Variants in ATAD5 observed in about 807,000 individuals in gnomAD.
The protein encoded by ATAD5 is ATPase family AAA domain-containing protein 5.
A neutral mutation model predicts 176.9 loss-of-function variants in ATAD5; 58 were observed. The observed-to-expected ratio is 0.33, with a 90% CI of 0.27 to 0.41. ATAD5 has a LOEUF of 0.41. Ranked by LOEUF, ATAD5 falls within the 10% of genes least tolerant of loss-of-function variation. The pLI, the probability that ATAD5 is intolerant of heterozygous loss-of-function variation, is 1.00. For missense variants in ATAD5, 1,789 were observed against 2,094.1 expected (o/e 0.85, Z 2.84); for synonymous variants, 640 against 712.6 (o/e 0.90, Z 1.62).
intron 18 of ATAD5, among the ~76,000 whole-genome samples, chr17:30,885,026 C>T (rs775540890): frequency 2.4e-4 from 36 of 152,188 alleles, no homozygotes; most frequent in Non-Finnish European, 3.7e-4. Flanking sequence ...GGATTACAGG[C>T]GTGAGCCACC....
intron 3 of ATAD5, among the ~76,000 whole-genome samples, chr17:30,840,215 A>G (rs1352737675): frequency 6.6e-6 from 1 of 150,486 alleles, no homozygotes; most frequent in African/African-American, 2.5e-5. Flanking sequence ...AAAAAAAAAA[A>G]AAAACAACCT....
At chr17:30,874,317 C>T (rs546025930) in intron 14 of ATAD5, among the ~76,000 whole-genome samples, 3 of 151,268 alleles carry the variant, frequency 2.0e-5, no homozygotes, top group Non-Finnish European at 3.0e-5. Context: ...CTGAGGTGGG[C>T]GGATCACGAG....
chr17:30,868,270 A>G, intron 11 of ATAD5, 63 bp from the exon 12 acceptor site: 1 of 1,332,232 alleles, frequency 7.5e-7, no homozygotes. Context: ...TAATCATTTT[A>G]ACATAAAGTC....
intron 18 of ATAD5, among the ~76,000 whole-genome samples, chr17:30,884,059 T>C (rs1597994723): frequency 6.6e-6 from 1 of 152,280 alleles, no homozygotes; most frequent in African/African-American, 2.4e-5. Context: ...ACTCCCTGTT[T>C]CCTCCTGTCC....
At chr17:30,860,123 AT>A (rs1169380593) in intron 9 of ATAD5, among the ~76,000 whole-genome samples, 1 of 152,104 alleles carries the variant, frequency 6.6e-6, no homozygotes, top group African/African-American at 2.4e-5. Flanking sequence ...TCCCGGGTTC[AT>A]GTGATCCTCC....
chr17:30,876,801 C>T (rs1908712311), intron 15 of ATAD5, among the ~76,000 whole-genome samples: 1 of 147,018 alleles, frequency 6.8e-6, no homozygotes, highest in Non-Finnish European at 1.5e-5. Flanking sequence ...ACTGCAACCT[C>T]TTCCTCCTGG....
Position 30,834,744 on chromosome 17 carries a change from C to T in ATAD5, c.663C>T (p.Pro221=). 6.2e-7 allele frequency: 1 copy of T among 1,613,862 alleles called. No homozygotes were observed. The highest frequency in any genetic ancestry group is 1.1e-5 in the South Asian group (1 of 91,040). The change falls in exon 2 of 23, where the codon CCC becomes CCT. Residue 221 remains proline (P), a synonymous_variant. Transcript: ENST00000321990. ...TAGTAGATCTATCTGAAAGCTTACC[C>T]TTGGCAGAGGAACTAAATTTGCTTA... ...RDVVDLSESL[P]LAEELNLLKK... is the part of the protein sequence containing the mutation.
chr17:30,856,336 T>A (rs1168115368), intron 7 of ATAD5, among the ~76,000 whole-genome samples: 1 of 152,214 alleles, frequency 6.6e-6, no homozygotes, highest in Non-Finnish European at 1.5e-5. Flanking sequence ...AGATTTAGGA[T>A]CTCGCCAGTG....
rs1742667462 is a variant in ATAD5, at chr17:30,858,277, A to T, written c.2910A>T (p.Lys970Asn). 5 of 1,586,666 alleles carry T rather than the reference A, an allele frequency of 3.2e-6. No homozygotes were observed. Among genetic ancestry groups the T allele is most frequent in the African/African-American group, 1.4e-5 (1 of 73,914 alleles). Residue 970 changes from lysine (K) to asparagine (N), a missense_variant, in exon 9 of 23, where the codon AAA becomes AAT. Transcript: ENST00000321990. Reference protein sequence around the residue: ...LKKYFPLLLKKQIEHQVLSSE... With the variant: ...LKKYFPLLLKNQIEHQVLSSE... Reference sequence around the variant, plus strand: ...AATATTTTCCCTTACTCCTAAAAAAACAAATTGAGCACCAAGTACTTTCTT... The same window carrying T: ...AATATTTTCCCTTACTCCTAAAAAATCAAATTGAGCACCAAGTACTTTCTT...
intron 4 of ATAD5, 40 bp downstream of exon 4, chr17:30,840,821 A>G (rs1419383726): frequency 1.9e-6 from 3 of 1,557,880 alleles, no homozygotes; most frequent in African/African-American, 1.4e-5. Context: ...ATTCTCTCCT[A>G]TTTTGCTGTT....
At position 30,857,010 on chromosome 17, in the gene ATAD5, A is replaced by G; in HGVS notation, c.2691A>G (p.Lys897=). ...PPSCPLLTKF[K]ELNTKVIDLS... The stretch of plus-strand genomic sequence containing the variant: ...CTTGTCCTCTCTTAACTAAATTTAA[A>G]GAACTGAACACTAAAGTAATAGATC... Residue 897 remains lysine (K), a synonymous_variant, in exon 8 of 23, where the codon AAA becomes AAG. Coordinates refer to ENST00000321990, the MANE Select transcript of ATAD5 (RefSeq NM_024857.5). 1 of 1,607,102 alleles carries G rather than the reference A, an allele frequency of 6.2e-7. No individual in the cohort carries two copies. Among genetic ancestry groups the G allele is most frequent in the Non-Finnish European group, 8.5e-7 (1 of 1,178,508 alleles).
At chr17:30,856,525 TG>T (rs1907299882) in intron 7 of ATAD5, among the ~76,000 whole-genome samples, 1 of 152,196 alleles carries the variant, frequency 6.6e-6, no homozygotes, top group African/African-American at 2.4e-5. Context: ...CTCAGCTCAC[TG>T]CAACCTCTGT....
rs1009029404 is a variant in ATAD5, at chr17:30,832,005, C to T, written c.-343C>T. ...GCGAAAACCCAATTGACAAGAATTC[C>T]CTCCGAAGCTCTGTGGTCCGATCTG... On this transcript the variant is annotated 5_prime_UTR_variant, in exon 1 of 23. Transcript: ENST00000321990. The T allele has an allele frequency of 5.6e-6, 2 of 354,522 alleles. No individual in the cohort carries two copies. The highest frequency in any genetic ancestry group is 4.2e-5 in the African/African-American group (2 of 47,326). The allele number at this position is 354,522 out of a possible 1,614,324, so 22.0% of individuals were successfully genotyped here.
intron 3 of ATAD5, among the ~76,000 whole-genome samples, 174 bp from the exon 4 acceptor site, chr17:30,840,439 TAAGA>T (rs1216862857): frequency 6.6e-6 from 1 of 152,166 alleles, no homozygotes; most frequent in Non-Finnish European, 1.5e-5. Context: ...TGATTTCAAG[TAAGA>T]AATAAAGGCA....
chr17:30,836,582 T>C (rs2142306288), intron 2 of ATAD5, among the ~76,000 whole-genome samples: 1 of 152,178 alleles, frequency 6.6e-6, no homozygotes, highest in African/African-American at 2.4e-5. Context: ...TTATTTTATT[T>C]TGAGATGGAG....
intron 19 of ATAD5, 104 bp downstream of exon 19, chr17:30,887,476 G>A: frequency 1.1e-6 from 1 of 936,110 alleles, no homozygotes; most frequent in Non-Finnish European, 1.6e-6. Flanking sequence ...CAGCACTTTG[G>A]GGGAGTGAGG....
At chr17:30,832,510 G>A in intron 1 of ATAD5, 97 bp downstream of exon 1, 2 of 1,268,238 alleles carry the variant, frequency 1.6e-6, no homozygotes, top group Non-Finnish European at 2.1e-6. Flanking sequence ...TTTGTAAGGG[G>A]AAAGGTGGGA....
intron 19 of ATAD5, among the ~76,000 whole-genome samples, chr17:30,891,115 A>G (rs1250039498): frequency 6.6e-6 from 1 of 152,202 alleles, no homozygotes; most frequent in Non-Finnish European, 1.5e-5. Flanking sequence ...TTCTAGAAGT[A>G]TGACTGCTGG....
chr17:30,884,879 C>G (rs1416751714), intron 18 of ATAD5, among the ~76,000 whole-genome samples: 1 of 151,612 alleles, frequency 6.6e-6, no homozygotes, highest in Non-Finnish European at 1.5e-5. Flanking sequence ...TCCCGAGTAG[C>G]TGGGACTACA....
Sources: gnomAD v4.1 joint callset for allele counts (sites outside exome capture counted in the v4.1 genomes callset) on GRCh38, gnomAD v4.1.1 for gene constraint, MANE v1.5 for transcripts, NCBI Gene and HGNC (gene_info 2026-07-23, HGNC 2026-07-21) for gene names.